The following PTCH2 variants were observed in gnomAD, a reference collection of about 807,000 sequenced individuals.
PTCH2 encodes patched 2.
A neutral mutation model predicts 117.9 loss-of-function variants in PTCH2; 96 were observed. The ratio of observed to expected loss-of-function variants is 0.81; its 90% CI spans 0.69 to 0.96. The LOEUF is 0.96. Ranked by LOEUF, PTCH2 falls within the 50% of genes least tolerant of loss-of-function variation. The pLI is 0.00. For synonymous variants in PTCH2, 615 were observed against 660.9 expected, an observed-to-expected ratio of 0.93 and a Z score of 1.06; for missense variants, 1,379 against 1,562.5, an observed-to-expected ratio of 0.88 and a Z score of 1.98.
rs764832915 is a variant in PTCH2, at chr1:44,828,014, G to A, written c.1887C>T (p.Asp629=). The change falls in exon 14 of 22, where the codon GAC becomes GAT. Residue 629 remains aspartate (D), a synonymous_variant. Transcript: ENST00000372192. The part of the protein sequence containing the change: ...PQAHLVPPPS[D]PLGSELFSPG... The stretch of plus-strand genomic sequence containing the variant: ...GGCTGAAGAGCTCAGAGCCCAGTGG[G>A]TCAGAAGGTGGGGGCACCAGGTGGG... 10 of 1,614,212 alleles carry A rather than the reference G, an allele frequency of 6.2e-6. No individual in the cohort carries two copies. The highest frequency in any genetic ancestry group is 2.7e-5 in the African/African-American group (2 of 75,068).
At chr1:44,828,681 T>C in intron 11 of PTCH2, 50 bp from the exon 12 acceptor site, 1 of 1,591,240 alleles carries the variant, frequency 6.3e-7, no homozygotes, top group Non-Finnish European at 8.5e-7. Flanking sequence ...GGAGGGGCCG[T>C]GTCAAAGTGG....
rs1652937332 is a variant in PTCH2 at position 44,822,236 on chromosome 1, T to C, written c.*179A>G. On this transcript the variant is annotated 3_prime_UTR_variant, in exon 22 of 22. Transcript: ENST00000372192. ...AGATACAGGCTCACACAGGCCTGGATGTGCAAATCGGTGGCTGTTCTGTAT... is the reference window on the plus strand; with the variant it reads ...AGATACAGGCTCACACAGGCCTGGACGTGCAAATCGGTGGCTGTTCTGTAT... 6.7e-7 allele frequency: 1 copy of C among 1,503,200 alleles called. No homozygotes were observed. Among genetic ancestry groups the C allele is most frequent in the Non-Finnish European group, 8.8e-7 (1 of 1,132,582 alleles). 93.1% of individuals were successfully genotyped at this position (1,503,200 alleles called of 1,614,324 possible). A position where few individuals can be genotyped will look rare whatever the true frequency, so the allele number is the denominator to read the frequency against.
At chr1:44,835,796 G>A (rs1046618831) in intron 2 of PTCH2, among the ~76,000 whole-genome samples, 1 of 152,178 alleles carries the variant, frequency 6.6e-6, no homozygotes, top group African/African-American at 2.4e-5. Context: ...AAGAAGTCAG[G>A]AAACGTGTCC....
intron 19 of PTCH2, among the ~76,000 whole-genome samples, chr1:44,825,193 G>T (rs1420303395): frequency 1.3e-5 from 2 of 151,892 alleles, no homozygotes; most frequent in Middle Eastern, 3.2e-3. Context: ...CTGGAGTGCA[G>T]TGGCATGGTC....
rs2148878132 is a variant in PTCH2 at position 44,829,761 on chromosome 1, C to T, written c.936G>A (p.Arg312=). The change falls in exon 8 of 22, where the codon AGG becomes AGA. Residue 312 remains arginine (R), a splice_region_variant and synonymous_variant. Coordinates refer to ENST00000372192, the MANE Select transcript of PTCH2 (RefSeq NM_003738.5). ...MARDPQGELL[R]AEALQSTFLL... Reference sequence around the variant, plus strand: ...AGAAGGTGCTCTGCAGGGCCTCTGCCCTGGTGGGGGTGTGGGAGAACCAGG... The same window carrying T: ...AGAAGGTGCTCTGCAGGGCCTCTGCTCTGGTGGGGGTGTGGGAGAACCAGG... The T allele has an allele frequency of 1.2e-6, 2 of 1,614,142 alleles. No homozygotes were observed. The highest frequency in any genetic ancestry group is 1.7e-6 in the Non-Finnish European group (2 of 1,180,016).
In PTCH2 at chr1:44,843,060, T is replaced by C; in HGVS notation, c.-128A>G. 1 of 1,427,070 alleles carries C rather than the reference T, an allele frequency of 7.0e-7. No homozygotes were observed. Among genetic ancestry groups the C allele is most frequent in the Non-Finnish European group, 9.1e-7 (1 of 1,095,378 alleles). 88.4% of individuals were successfully genotyped at this position (1,427,070 alleles called of 1,614,324 possible). A position where few individuals can be genotyped will look rare whatever the true frequency, so the allele number is the denominator to read the frequency against. On this transcript the variant is annotated 5_prime_UTR_variant, in exon 1 of 22. Transcript: ENST00000372192. ...CAGTGGGGCCGCCAAGGCGCGGGCGTGGGAGAGACTGTGGGGTGTGGGTGT... is the reference window on the plus strand; with the variant it reads ...CAGTGGGGCCGCCAAGGCGCGGGCGCGGGAGAGACTGTGGGGTGTGGGTGT...
chr1:44,832,079 G>A (rs1653476059), intron 3 of PTCH2, 35 bp from the exon 4 acceptor site: 3 of 1,612,338 alleles, frequency 1.9e-6, no homozygotes, highest in Middle Eastern at 1.7e-4. Flanking sequence ...ATCAGCAGAA[G>A]AAGGGGATTC....
rs763220453 is a variant in PTCH2, at chr1:44,826,812, G to A, written c.2696-44C>T. On this transcript the variant is annotated intron_variant, in intron 17 of 21. Transcript: ENST00000372192. The surrounding 1 kb of genome is among the most constrained non-coding windows in gnomAD (Gnocchi z 5.1). ...GGGAGAAGAGGGAGAGGGACAGGGC[G>A]GTGAGCACGGGGCAGAGTGGGCAGG... The A allele has an allele frequency of 1.1e-5, 17 of 1,607,408 alleles. No homozygotes were observed. The highest frequency in any genetic ancestry group is 5.3e-5 in the African/African-American group (4 of 74,774).
Position 44,828,422 on chromosome 1 carries a change from A to T in PTCH2, c.1591-8T>A, listed in dbSNP as rs1653264153. On this transcript the variant is annotated splice_polypyrimidine_tract_variant and splice_region_variant and intron_variant, in intron 12 of 21. Coordinates refer to ENST00000372192, the MANE Select transcript of PTCH2 (RefSeq NM_003738.5). ...GCCAACCACTATGGCCGCCTGGGGG[A>T]CGGACAGGAGGGGAATGAAGGCTGG... is the stretch of plus-strand genomic sequence containing the variant. 8 of 1,613,954 alleles carry T rather than the reference A, an allele frequency of 5.0e-6. No homozygotes were observed. The highest frequency in any genetic ancestry group is 6.8e-6 in the Non-Finnish European group (8 of 1,180,006).
chr1:44,821,978 A>G lies in PTCH2; in HGVS notation c.*437T>C. The stretch of plus-strand genomic sequence containing the variant: ...TATATTTCATTCTTTAAAAAATAAA[A>G]CTTTCATCATAGCTAACATGTATGT... On this transcript the variant is annotated 3_prime_UTR_variant, in exon 22 of 22. Transcript: ENST00000372192. 1 of 1,311,784 alleles carries G rather than the reference A, an allele frequency of 7.6e-7. No individual in the cohort carries two copies. Among genetic ancestry groups the G allele is most frequent in the Non-Finnish European group, 1.0e-6 (1 of 997,348 alleles). 81.3% of individuals were successfully genotyped at this position (1,311,784 alleles called of 1,614,324 possible).
At chr1:44,840,031 T>A (rs374756446) in intron 2 of PTCH2, among the ~76,000 whole-genome samples, 1 of 151,584 alleles carries the variant, frequency 6.6e-6, no homozygotes, top group Non-Finnish European at 1.5e-5. Context: ...AAAAACAGAC[T>A]GGAGTTTGAC....
downstream of PTCH2, chr1:44,821,804 C>T: frequency 7.4e-7 from 1 of 1,352,648 alleles, no homozygotes; most frequent in East Asian, 4.6e-5. Flanking sequence ...AATCCAGAAT[C>T]TGGGGTCTTT....
intron 2 of PTCH2, among the ~76,000 whole-genome samples, chr1:44,837,489 G>A (rs143502078): frequency 0.013 from 2,042 of 152,250 alleles, 47 homozygotes; most frequent in African/African-American, 0.046. Context: ...CCTGACCTCA[G>A]GTGATCCACC....
At position 44,823,375 on chromosome 1, in the gene PTCH2, G is replaced by T. The variant is rs1400092914; in HGVS notation, c.3125C>A (p.Thr1042Asn). ...CCGCAGGTTCCGGCTGCCCTGGGTG[G>T]TCAGGAAGCCCTAGGAAAACAGAGT... ...FTVHVALGFL[T>N]TQGSRNLRAA... The change falls in exon 20 of 22, where the codon ACC (threonine) becomes AAC (asparagine). Residue 1042 changes from threonine (T) to asparagine (N), a missense_variant. Coordinates refer to ENST00000372192, the MANE Select transcript of PTCH2 (RefSeq NM_003738.5). This position sits in a 1 kb window ranked among gnomAD's most constrained non-coding sequence, Gnocchi z 5.1. 6.2e-7 allele frequency: 1 copy of T among 1,614,206 alleles called. No individual in the cohort carries two copies. Among genetic ancestry groups the T allele is most frequent in the South Asian group, 1.1e-5 (1 of 91,084 alleles).
chr1:44,830,742 T>TG, intron 6 of PTCH2, 106 bp downstream of exon 6: 1 of 1,159,814 alleles, frequency 8.6e-7, no homozygotes, highest in Non-Finnish European at 1.2e-6. Flanking sequence ...GGCCAGGAAG[T>TG]GGGGGGTCAG....
At chr1:44,825,844 CTTTTTTTTTT>C (rs35549385) in intron 19 of PTCH2, among the ~76,000 whole-genome samples, 2 of 118,412 alleles carry the variant, frequency 1.7e-5, no homozygotes, top group Non-Finnish European at 3.5e-5. Context: ...AGCCCAAATT[CTTTTTTTTTT>C]TTTTTTTTGA....
In PTCH2 at chr1:44,823,400, T is replaced by C. The variant is rs1573639666; in HGVS notation, c.3115-15A>G. ...GTCAGGAAGCCCTAGGAAAACAGAG[T>C]GGTCCTGGAGCTGCTCCTCTGCCAG... On this transcript the variant is annotated splice_polypyrimidine_tract_variant and intron_variant, in intron 19 of 21. Coordinates refer to ENST00000372192, the MANE Select transcript of PTCH2 (RefSeq NM_003738.5). This position sits in a 1 kb window ranked among gnomAD's most constrained non-coding sequence, Gnocchi z 5.1. 1 of 1,613,718 alleles carries C rather than the reference T, an allele frequency of 6.2e-7. No homozygotes were observed. Among genetic ancestry groups the C allele is most frequent in the African/African-American group, 1.3e-5 (1 of 74,840 alleles).
rs146575601 is a variant in PTCH2 at position 44,835,833 on chromosome 1, CAA to C, written c.266-3494_266-3493del. Among the ~76,000 whole-genome samples the C allele has an allele frequency of 7.2e-5, 11 of 152,286 alleles. No individual in the cohort carries two copies. In the South Asian group the frequency reaches 2.1e-3, roughly 29 times the overall value. ...GGACCAGGTGTGCGCAGGGAACTGT[CAA>C]AGACTCCGTGTTTCGGTACTGCTAA... On this transcript the variant is annotated intron_variant, in intron 2 of 21. Coordinates refer to ENST00000372192, the MANE Select transcript of PTCH2 (RefSeq NM_003738.5).
chr1:44,830,427 C>T (rs942581091), intron 6 of PTCH2, among the ~76,000 whole-genome samples: 9 of 151,808 alleles, frequency 5.9e-5, no homozygotes, highest in African/African-American at 2.2e-4. Flanking sequence ...CGCCTGTAAT[C>T]CCAGCACTTT....
Sources: gnomAD v4.1 joint callset for allele counts (sites outside exome capture counted in the v4.1 genomes callset) on GRCh38, gnomAD v4.1.1 for gene constraint, Gnocchi (gnomAD v3.1) non-coding constraint, MANE v1.5 for transcripts, NCBI Gene and HGNC (gene_info 2026-07-23, HGNC 2026-07-21) for gene names.